DPP9: variants seen among roughly 807,000 people sequenced by gnomAD.
DPP9 encodes the protein dipeptidyl peptidase 9.
A neutral mutation model predicts 110.7 loss-of-function variants in DPP9; 50 were observed. The observed-to-expected ratio is 0.45, with a 90% CI of 0.36 to 0.57. DPP9 has a LOEUF of 0.57. DPP9 is among the 20% of genes least tolerant of loss of function. The pLI is 0.00. For synonymous variants in DPP9, 561 were observed against 514.4 expected (o/e 1.09, Z -1.23); for missense variants, 1,022 against 1,217.9 (o/e 0.84, Z 2.39).
rs988021716 is a variant in DPP9 at position 4,685,309 on chromosome 19, G to A, written c.2031+317C>T. The A allele has an allele frequency of 1.0e-5, 6 of 572,172 alleles. No individual in the cohort carries two copies. The highest frequency in any genetic ancestry group is 5.5e-5 in the African/African-American group (3 of 54,130). 35.4% of individuals were successfully genotyped at this position (572,172 alleles called of 1,614,324 possible). ...TTTTGACCCCTGCTCCAGGAATTGG[G>A]CCCAGGGCCCATGGCCACCTCCATA... is the stretch of plus-strand genomic sequence containing the variant. On this transcript the variant is annotated intron_variant, in intron 17 of 21. Coordinates refer to ENST00000262960, the MANE Select transcript of DPP9 (RefSeq NM_139159.5). This position sits in a 1 kb window ranked among gnomAD's most constrained non-coding sequence, Gnocchi z 5.8.
Position 4,719,851 on chromosome 19 carries a change from C to G in DPP9, c.56G>C (p.Ser19Thr). 2 of 1,551,778 alleles carry G rather than the reference C, an allele frequency of 1.3e-6. No individual in the cohort carries two copies. The highest frequency in any genetic ancestry group is 1.7e-6 in the Non-Finnish European group (2 of 1,147,016). The part of the protein sequence containing the change: ...LDKENTGSWR[S>T]FSLNSEGAER... ...TCAGGGCCTCCGAGGCCAACCTCAC[C>G]TTCTCCAACTTCCGGTGTTCTCCTT... Residue 19 changes from serine (S) to threonine (T), a missense_variant and splice_region_variant, in exon 3 of 22, where the codon AGC (serine) becomes ACC (threonine). Ser to Thr is a moderately conservative substitution (Grantham distance 58). This residue lies in a region of DPP9 where 810 missense variants were observed against 920.6 expected (regional missense o/e 0.88). Coordinates refer to ENST00000262960, the MANE Select transcript of DPP9 (RefSeq NM_139159.5).
At chr19:4,699,391 T>C (rs555601112) in intron 10 of DPP9, among the ~76,000 whole-genome samples, 2 of 151,986 alleles carry the variant, frequency 1.3e-5, no homozygotes. Context: ...TTCTCCAACA[T>C]GATGTTACTT....
rs1057441087 is a variant in DPP9 at position 4,679,765 on chromosome 19, C to T, written c.2586+70G>A. 7.7e-5 allele frequency: 97 copies of T among 1,262,820 alleles called. No homozygotes were observed. The Admixed American group carries it at 1.9e-3, about 24-fold the overall frequency. The allele number at this position is 1,262,820 out of a possible 1,614,324, so 78.2% of individuals were successfully genotyped here. On this transcript the variant is annotated intron_variant, in intron 21 of 21. Transcript: ENST00000262960. ...TGGTCACAGTGGGAAGCCACCCCGC[C>T]TCGTCCCACCCCCCACTCCCAGGGA...
In DPP9 at chr19:4,684,522, T is replaced by A; in HGVS notation, c.2178+141A>T. The A allele has an allele frequency of 1.1e-6, 1 of 928,372 alleles. No homozygotes were observed. The highest frequency in any genetic ancestry group is 1.6e-6 in the Non-Finnish European group (1 of 625,558). 57.5% of individuals were successfully genotyped at this position (928,372 alleles called of 1,614,324 possible). On this transcript the variant is annotated intron_variant, in intron 18 of 21. Coordinates refer to ENST00000262960, the MANE Select transcript of DPP9 (RefSeq NM_139159.5). The surrounding 1 kb of genome is among the most constrained non-coding windows in gnomAD (Gnocchi z 4.8). ...TCCCCTTTTGTTCTAAAAGGGCGCC[T>A]CATTGAGCCTGCGTCACCCCAGCCA...
Position 4,719,958 on chromosome 19 carries a change from G to A in DPP9, c.-35-17C>T, listed in dbSNP as rs2093244652. On this transcript the variant is annotated splice_polypyrimidine_tract_variant and intron_variant, in intron 2 of 21. Transcript: ENST00000262960. The stretch of plus-strand genomic sequence containing the variant: ...CAGGGGTGCCTGCGGGCAAGTGGGA[G>A]GAGAGATCAAAGGGCTGCAACCCCA... 1.3e-6 allele frequency: 2 copies of A among 1,548,912 alleles called. No homozygotes were observed. The highest frequency in any genetic ancestry group is 8.7e-7 in the Non-Finnish European group (1 of 1,144,654).
In DPP9 at chr19:4,695,142, C is replaced by A; in HGVS notation, c.1353+236G>T. 1.7e-6 allele frequency: 1 copy of A among 579,698 alleles called. No individual in the cohort carries two copies. Among genetic ancestry groups the A allele is most frequent in the Non-Finnish European group, 3.0e-6 (1 of 332,830 alleles). 35.9% of individuals were successfully genotyped at this position (579,698 alleles called of 1,614,324 possible). The stretch of plus-strand genomic sequence containing the variant: ...CTCTAGTCTGGGCAACAGAGCAACC[C>A]TGTCTCTAATTAAAGAAAAAAATAG... On this transcript the variant is annotated intron_variant, in intron 12 of 21. Transcript: ENST00000262960. This position sits in a 1 kb window ranked among gnomAD's most constrained non-coding sequence, Gnocchi z 4.7.
chr19:4,681,924 C>T (rs1480905959), intron 20 of DPP9, among the ~76,000 whole-genome samples: 2 of 149,444 alleles, frequency 1.3e-5, no homozygotes, highest in Non-Finnish European at 3.0e-5. Flanking sequence ...TCTCGGCTCA[C>T]TGCAAGCTCC....
chr19:4,718,749 T>C lies in DPP9; in HGVS notation c.56+1102A>G, dbSNP rs1381854286. Among the ~76,000 whole-genome samples the C allele has an allele frequency of 6.6e-6, 1 of 152,224 alleles. No homozygotes were observed. The highest frequency in any genetic ancestry group is 2.4e-5 in the African/African-American group (1 of 41,440). On this transcript the variant is annotated intron_variant, in intron 3 of 21. Coordinates refer to ENST00000262960, the MANE Select transcript of DPP9 (RefSeq NM_139159.5). This position sits in a 1 kb window ranked among gnomAD's most constrained non-coding sequence, Gnocchi z 4.3. ...ACCAGACGCTGGGACCACCCGGTTT[T>C]AGAGCCCATGGCTGGGCCAATCATA...
rs375442012 is a variant in DPP9, at chr19:4,689,544, G to A, written c.1749+26C>T. 1.1e-4 allele frequency: 177 copies of A among 1,542,318 alleles called. No homozygotes were observed. The highest frequency in any genetic ancestry group is 1.4e-4 in the Non-Finnish European group (156 of 1,147,998). ...GGGAGCTGTTGGACGGGCACAGGGC[G>A]GTGCCGTGAGGCTGGGCGGTCCCAC... On this transcript the variant is annotated intron_variant, in intron 15 of 21. Coordinates refer to ENST00000262960, the MANE Select transcript of DPP9 (RefSeq NM_139159.5). The surrounding 1 kb of genome is among the most constrained non-coding windows in gnomAD (Gnocchi z 7.0).
At chr19:4,686,883 T>C (rs540891705) in intron 16 of DPP9, among the ~76,000 whole-genome samples, 1 of 152,274 alleles carries the variant, frequency 6.6e-6, no homozygotes, top group Admixed American at 6.5e-5. Flanking sequence ...TGTGTCTCTG[T>C]GTCATCTGCT....
rs1390255890 is a variant in DPP9, at chr19:4,676,354, C to T, written c.*210G>A. The T allele has an allele frequency of 3.4e-6, 2 of 580,810 alleles. No individual in the cohort carries two copies. Among genetic ancestry groups the T allele is most frequent in the Admixed American group, 6.0e-5 (2 of 33,600 alleles). 36.0% of individuals were successfully genotyped at this position (580,810 alleles called of 1,614,324 possible). Reference sequence around the variant, plus strand: ...GACCACCATCTCTCTGTCTCGGCAACCAAGAAGCAGCGGACATAAAACCCA... The same window carrying T: ...GACCACCATCTCTCTGTCTCGGCAATCAAGAAGCAGCGGACATAAAACCCA... On this transcript the variant is annotated 3_prime_UTR_variant, in exon 22 of 22. Coordinates refer to ENST00000262960, the MANE Select transcript of DPP9 (RefSeq NM_139159.5). This position sits in a 1 kb window ranked among gnomAD's most constrained non-coding sequence, Gnocchi z 4.0.
intron 3 of DPP9, 113 bp from the exon 4 acceptor site, chr19:4,714,450 C>A: frequency 1.5e-6 from 2 of 1,355,320 alleles, no homozygotes; most frequent in South Asian, 1.5e-5. Context: ...CCACCCCTGC[C>A]GCTTTCCCCA....
chr19:4,716,503 A>G (rs561742441), intron 3 of DPP9, among the ~76,000 whole-genome samples: 24 of 152,096 alleles, frequency 1.6e-4, no homozygotes, highest in South Asian at 6.2e-4. Flanking sequence ...CGGGCGTGGT[A>G]GCGGGCGCCT....
intron 18 of DPP9, 42 bp from the exon 19 acceptor site, chr19:4,683,671 G>A (rs750942136): frequency 1.9e-6 from 3 of 1,613,004 alleles, no homozygotes; most frequent in Non-Finnish European, 2.5e-6. Flanking sequence ...CCTCCTCCCG[G>A]TATGTCCCTC....
chr19:4,702,401 C>T (rs566694715), intron 8 of DPP9, among the ~76,000 whole-genome samples: 3 of 152,210 alleles, frequency 2.0e-5, no homozygotes, highest in African/African-American at 7.2e-5. Context: ...GAAGTGGCCA[C>T]GTGGGGTGTA....
chr19:4,722,552 C>T lies in DPP9; in HGVS notation c.-88-1G>A. 2.8e-6 allele frequency: 2 copies of T among 703,066 alleles called. No homozygotes were observed. The highest frequency in any genetic ancestry group is 5.2e-6 in the Non-Finnish European group (2 of 385,010). 43.6% of individuals were successfully genotyped at this position (703,066 alleles called of 1,614,324 possible). ...CCAGCTGCAGGCGTGGGACACAGAC[C>T]TTTATAGGATAAACATGTCATGAAT... On this transcript the variant is annotated splice_acceptor_variant, in intron 1 of 21. Transcript: ENST00000262960. LOFTEE classifies it low-confidence loss of function (5UTR_SPLICE).
chr19:4,715,944 A>C (rs1316891052), intron 3 of DPP9: 1 of 152,244 alleles, frequency 6.6e-6, no homozygotes, highest in South Asian at 2.1e-4. Context: ...TGTTTTACAG[A>C]AATCTAAACA....
chr19:4,679,950 G>C lies in DPP9; in HGVS notation c.2475-4C>G. ...GAGGATAAGCAAGCGGTTGGGCCTG[G>C]AAAACAGATGGGGAAGGGTCTGAGG... On this transcript the variant is annotated splice_polypyrimidine_tract_variant and splice_region_variant and intron_variant, in intron 20 of 21. Coordinates refer to ENST00000262960, the MANE Select transcript of DPP9 (RefSeq NM_139159.5). The C allele has an allele frequency of 6.2e-7, 1 of 1,607,398 alleles. No individual in the cohort carries two copies. Among genetic ancestry groups the C allele is most frequent in the African/African-American group, 1.3e-5 (1 of 74,936 alleles).
In DPP9 at chr19:4,697,515, A is replaced by G. The variant is rs368624091; in HGVS notation, c.1175+36T>C. 6.3e-6 allele frequency: 10 copies of G among 1,576,124 alleles called. No homozygotes were observed. The African/African-American group carries it at 1.3e-4, about 21-fold the overall frequency. On this transcript the variant is annotated intron_variant, in intron 11 of 21. Coordinates refer to ENST00000262960, the MANE Select transcript of DPP9 (RefSeq NM_139159.5). The stretch of plus-strand genomic sequence containing the variant: ...GGCTGCCCAGGGCCCAGGGCCCTGC[A>G]GGTGAATTCCTTGGGTTCCAGCCAG...
Sources: allele counts gnomAD v4.1 joint callset (sites outside exome capture counted in the v4.1 genomes callset), GRCh38; gene constraint gnomAD v4.1.1; regional missense constraint gnomAD v4.1.1; non-coding constraint Gnocchi (gnomAD v3.1); transcripts MANE v1.5; gene names NCBI Gene and HGNC (gene_info 2026-07-23, HGNC 2026-07-21).